The following CELF2 variants were observed in gnomAD, a reference collection of about 807,000 sequenced individuals.
CELF2 encodes the protein CUG triplet repeat RNA-binding protein 2.
CELF2 carries 8 observed loss-of-function variants against 62.6 expected under a neutral mutation model. The observed-to-expected ratio is 0.13, with a 90% CI of 0.07 to 0.23. The LOEUF is 0.23. Among genes scored for constraint, CELF2 ranks in the 10% least tolerant of loss-of-function variants. The pLI is 1.00. For synonymous variants in CELF2, 258 were observed against 250.0 expected (o/e 1.03, Z -0.30); for missense variants, 333 against 671.0 (o/e 0.50, Z 5.56).
At chr10:11,192,114 C>T (rs1374832121) in intron 2 of CELF2, among the ~76,000 whole-genome samples, 4 of 152,318 alleles carry the variant, frequency 2.6e-5, no homozygotes, top group African/African-American at 9.6e-5. Context: ...CAGCTGTGCA[C>T]CCCTACAGGC....
intron 3 of CELF2, among the ~76,000 whole-genome samples, chr10:11,225,536 C>T (rs2066231569): frequency 1.3e-5 from 2 of 152,182 alleles, no homozygotes; most frequent in South Asian, 2.1e-4. Flanking sequence ...CGTAGACAAA[C>T]GTGGATTATT....
At chr10:10,522,107 G>T in the CELF2 span, among the ~76,000 whole-genome samples, 5 of 152,162 alleles carry the variant, frequency 3.3e-5, no homozygotes, top group Non-Finnish European at 5.9e-5. Context: ...CTGCACCCAT[G>T]GCAAATATTT....
the CELF2 span, among the ~76,000 whole-genome samples, chr10:10,478,847 C>T: frequency 8.9e-3 from 1,360 of 152,218 alleles, 19 homozygotes; most frequent in Non-Finnish European, 0.014. Flanking sequence ...CTGGAAGCAA[C>T]AGAATATTTT....
At chr10:10,502,343 G>A in the CELF2 span, among the ~76,000 whole-genome samples, 1 of 151,844 alleles carries the variant, frequency 6.6e-6, no homozygotes, top group African/African-American at 2.4e-5. Context: ...TGTTAGTTCT[G>A]TATTAGATAT....
chr10:11,227,530 T>C lies in CELF2; in HGVS notation c.354+10023T>C, dbSNP rs1244780020. 6.6e-6 allele frequency among the ~76,000 whole-genome samples: 1 copy of C among 152,234 alleles called. No individual in the cohort carries two copies. Among genetic ancestry groups the C allele is most frequent in the South Asian group, 2.1e-4 (1 of 4,828 alleles). On this transcript the variant is annotated intron_variant, in intron 3 of 12. Coordinates refer to ENST00000633077, the MANE Select transcript of CELF2 (RefSeq NM_001326342.2). The surrounding 1 kb of genome is among the most constrained non-coding windows in gnomAD (Gnocchi z 4.8). ...TCCTAGGCCAGTTAGGATCAAAGGC[T>C]GAGCACTGGCTGCGATATTAGGGCC...
At chr10:11,303,540 G>A (rs188704087) in intron 9 of CELF2, among the ~76,000 whole-genome samples, 4 of 152,274 alleles carry the variant, frequency 2.6e-5, no homozygotes, top group East Asian at 3.9e-4. Context: ...TTGATCACCC[G>A]CTGTGCATCA....
intron 2 of CELF2, among the ~76,000 whole-genome samples, chr10:10,939,940 C>T (rs1038698475): frequency 2.0e-5 from 3 of 151,970 alleles, no homozygotes; most frequent in Non-Finnish European, 2.9e-5. Context: ...GGTGACAGAG[C>T]GAGGCTCCAT....
At position 10,858,948 on chromosome 10, in the gene CELF2, C is replaced by T. The variant is rs372527516; in HGVS notation, c.53+60131C>T. ...AATTAACACTAGGACAGTGTGGTCTCTTTATCTTTTGTACAATTTTTAGAT... is the reference window on the plus strand; with the variant it reads ...AATTAACACTAGGACAGTGTGGTCTTTTTATCTTTTGTACAATTTTTAGAT... On this transcript the variant is annotated intron_variant, in intron 1 of 13. Coordinates refer to the CELF2 transcript ENST00000636488. Among the ~76,000 whole-genome samples, 628 of 152,212 alleles carry T rather than the reference C, an allele frequency of 4.1e-3. 8 individuals carry two copies. Among genetic ancestry groups the T allele is most frequent in the South Asian group, 0.017 (82 of 4,828 alleles).
chr10:11,238,900 G>T (rs1234057881), intron 3 of CELF2, among the ~76,000 whole-genome samples: 1 of 152,160 alleles, frequency 6.6e-6, no homozygotes, highest in African/African-American at 2.4e-5. Flanking sequence ...AAAGCAAAAT[G>T]AAAGCTTGTG....
intron 9 of CELF2, among the ~76,000 whole-genome samples, chr10:11,307,762 T>C (rs946795957): frequency 6.6e-6 from 1 of 152,116 alleles, no homozygotes; most frequent in African/African-American, 2.4e-5. Context: ...AACTATAGAG[T>C]TGTGTTCTTT....
chr10:11,257,456 C>T (rs1012542705), intron 4 of CELF2: 3 of 276,916 alleles, frequency 1.1e-5, no homozygotes, highest in African/African-American at 6.4e-5. Context: ...CTGTTAGTTT[C>T]TGAATAGGAG....
the CELF2 span, among the ~76,000 whole-genome samples, chr10:10,678,987 C>T: frequency 6.6e-6 from 1 of 152,066 alleles, no homozygotes; most frequent in Non-Finnish European, 1.5e-5. Flanking sequence ...AAATCAAAAC[C>T]AATATTCCCT....
At chr10:10,638,210 G>A in the CELF2 span, among the ~76,000 whole-genome samples, 2 of 152,144 alleles carry the variant, frequency 1.3e-5, no homozygotes, top group Non-Finnish European at 2.9e-5. Context: ...TTACTAAAGG[G>A]CATGTGTTTA....
chr10:10,586,064 A>G, the CELF2 span, among the ~76,000 whole-genome samples: 1 of 152,220 alleles, frequency 6.6e-6, no homozygotes, highest in African/African-American at 2.4e-5. Context: ...CTTTCAGAAG[A>G]GAAGTGGATG....
At chr10:10,693,755 G>A in the CELF2 span, among the ~76,000 whole-genome samples, 5 of 151,306 alleles carry the variant, frequency 3.3e-5, no homozygotes, top group South Asian at 2.1e-4. Context: ...TGTATGTGTC[G>A]AGGAATTTAT....
the CELF2 span, among the ~76,000 whole-genome samples, chr10:10,759,296 C>CTTTT: frequency 1.2e-4 from 14 of 120,880 alleles, no homozygotes; most frequent in East Asian, 2.8e-4. Context: ...GCCCATTTTT[C>CTTTT]TTTTTTTTTT....
intron 1 of CELF2, among the ~76,000 whole-genome samples, chr10:10,901,250 CAG>C (rs776532544): frequency 6.6e-6 from 1 of 152,172 alleles, no homozygotes; most frequent in Non-Finnish European, 1.5e-5. Flanking sequence ...GGGAGGCTAA[CAG>C]TGTATGATTT....
intron 1 of CELF2, among the ~76,000 whole-genome samples, chr10:10,891,082 G>A (rs2062105496): frequency 6.6e-6 from 1 of 152,178 alleles, no homozygotes; most frequent in Non-Finnish European, 1.5e-5. Context: ...TGAATATTCA[G>A]TGGAGTTTTT....
intron 2 of CELF2, among the ~76,000 whole-genome samples, chr10:10,998,185 A>C (rs73571653): frequency 0.01 from 1,573 of 152,290 alleles, 30 homozygotes; most frequent in African/African-American, 0.035. Flanking sequence ...GTATGTCTTC[A>C]TTAGCAGCGT....
Sources: allele counts gnomAD v4.1 joint callset (sites outside exome capture counted in the v4.1 genomes callset), GRCh38; gene constraint gnomAD v4.1.1; non-coding constraint Gnocchi (gnomAD v3.1); transcripts MANE v1.5; gene names NCBI Gene and HGNC (gene_info 2026-07-23, HGNC 2026-07-21).